Variants in NFIA observed in about 807,000 individuals in gnomAD.
NFIA encodes the protein nuclear factor 1 A-type.
In NFIA, 8 loss-of-function variants were observed where a neutral mutation model predicts 62.8. The ratio of observed to expected loss-of-function variants is 0.13; its 90% CI spans 0.07 to 0.23. NFIA has a LOEUF of 0.23. Ranked by LOEUF, NFIA falls within the 10% of genes least tolerant of loss-of-function variation. The pLI is 1.00. For missense variants in NFIA, 410 were observed against 642.1 expected, an observed-to-expected ratio of 0.64 and a Z score of 3.91; for synonymous variants, 235 against 238.1, an observed-to-expected ratio of 0.99 and a Z score of 0.12.
At chr1:61,107,254 C>T (rs553270853) in intron 2 of NFIA, among the ~76,000 whole-genome samples, 70 of 151,176 alleles carry the variant, frequency 4.6e-4, no homozygotes, top group Non-Finnish European at 8.4e-4. Context: ...GATATTTTAT[C>T]TTACTAACAA....
Position 61,391,755 on chromosome 1 carries a change from G to A in NFIA, c.1075+8390G>A, listed in dbSNP as rs954139633. On this transcript the variant is annotated intron_variant, in intron 7 of 10. Coordinates refer to ENST00000403491, the MANE Select transcript of NFIA (RefSeq NM_001134673.4). ...CCTCCCCTGGCCTAGGCCCCCAAGT[G>A]CTAGGTTTGTTCATCTTTCTCCTAT... Among the ~76,000 whole-genome samples the A allele has an allele frequency of 2.0e-5, 3 of 152,164 alleles. No homozygotes were observed. In the South Asian group the frequency reaches 6.2e-4, roughly 32 times the overall value.
chr1:61,430,562 T>G (rs185790729), intron 10 of NFIA, among the ~76,000 whole-genome samples: 3 of 152,348 alleles, frequency 2.0e-5, no homozygotes, highest in Admixed American at 1.3e-4. Context: ...AATATTGGCT[T>G]TTATTGCATC....
At chr1:61,114,816 A>G (rs934942385) in intron 2 of NFIA, among the ~76,000 whole-genome samples, 3 of 152,200 alleles carry the variant, frequency 2.0e-5, no homozygotes, top group African/African-American at 7.2e-5. Context: ...CCTTCAAGAC[A>G]CTAGAAAAGA....
At position 61,317,565 on chromosome 1, in the gene NFIA, C is replaced by A. The variant is rs534634098; in HGVS notation, c.626-14947C>A. On this transcript the variant is annotated intron_variant, in intron 3 of 10. Transcript: ENST00000403491. The stretch of plus-strand genomic sequence containing the variant: ...TATTTCTCACTTTTTGTAGAAAAAT[C>A]AAAAAATTCTAGAGAATTTATTTTT... Among the ~76,000 whole-genome samples the A allele has an allele frequency of 1.3e-4, 20 of 151,798 alleles. No individual in the cohort carries two copies. The South Asian group carries it at 3.1e-3, about 24-fold the overall frequency.
intron 1 of NFIA, among the ~76,000 whole-genome samples, chr1:61,083,521 C>G (rs1646158903): frequency 6.6e-6 from 1 of 151,986 alleles, no homozygotes; most frequent in Non-Finnish European, 1.5e-5. Flanking sequence ...TAGCCCTCGG[C>G]TGAGCGGGGC....
chr1:61,255,951 A>G (rs1169448035), intron 2 of NFIA, among the ~76,000 whole-genome samples: 2 of 152,154 alleles, frequency 1.3e-5, no homozygotes, highest in Non-Finnish European at 2.9e-5. Context: ...GGTAGACCAA[A>G]TGTAAGCTCA....
chr1:61,327,386 C>CT (rs1188776922), intron 3 of NFIA, among the ~76,000 whole-genome samples: 3 of 151,534 alleles, frequency 2.0e-5, no homozygotes, highest in Non-Finnish European at 4.4e-5. Flanking sequence ...AATATGTAGG[C>CT]ATTTTTTTAA....
chr1:61,219,568 G>A (rs1653873819), intron 2 of NFIA, among the ~76,000 whole-genome samples: 1 of 151,818 alleles, frequency 6.6e-6, no homozygotes, highest in Non-Finnish European at 1.5e-5. Context: ...CAAAAAATTA[G>A]CCGGGCGTGG....
chr1:61,283,593 A>AAAAAAAAAAAAAAG (rs1658288890), intron 3 of NFIA, among the ~76,000 whole-genome samples: 1 of 136,490 alleles, frequency 7.3e-6, no homozygotes, highest in African/African-American at 2.8e-5. Flanking sequence ...AAAAAAAAAA[A>AAAAAAAAAAAAAAG]AAAAAAAAAA....
At chr1:61,328,430 A>ATAT (rs1553173511) in intron 3 of NFIA, among the ~76,000 whole-genome samples, 20 of 150,642 alleles carry the variant, frequency 1.3e-4, no homozygotes, top group South Asian at 1.0e-3. Context: ...ATATATATAT[A>ATAT]TTTTTTTCGA....
intron 6 of NFIA, among the ~76,000 whole-genome samples, chr1:61,363,861 C>T (rs2100451848): frequency 6.6e-6 from 1 of 152,164 alleles, no homozygotes; most frequent in South Asian, 2.1e-4. Context: ...CACACAGGCC[C>T]TCAGTGATCT....
chr1:61,137,010 T>C (rs1647206197), intron 2 of NFIA, among the ~76,000 whole-genome samples: 1 of 152,118 alleles, frequency 6.6e-6, no homozygotes, highest in Non-Finnish European at 1.5e-5. Context: ...TTCCACTGAG[T>C]TAAGAGTGGT....
intron 3 of NFIA, among the ~76,000 whole-genome samples, chr1:61,291,860 C>T (rs1019776328): frequency 3.9e-5 from 6 of 152,106 alleles, no homozygotes; most frequent in Non-Finnish European, 8.8e-5. Context: ...TGATATACTA[C>T]ATAATATATG....
chr1:61,447,692 A>C (rs1006544530), intron 10 of NFIA, among the ~76,000 whole-genome samples: 1 of 152,150 alleles, frequency 6.6e-6, no homozygotes, highest in African/African-American at 2.4e-5. Context: ...AATTTAATGG[A>C]TAGAATCTAT....
chr1:61,425,623 A>C (rs1300160978), intron 9 of NFIA, among the ~76,000 whole-genome samples: 1 of 152,222 alleles, frequency 6.6e-6, no homozygotes, highest in Non-Finnish European at 1.5e-5. Flanking sequence ...AAAAAACAAA[A>C]TGTACCTTTG....
intron 2 of NFIA, among the ~76,000 whole-genome samples, chr1:61,161,431 A>G (rs1649193283): frequency 6.6e-6 from 1 of 152,216 alleles, no homozygotes; most frequent in Non-Finnish European, 1.5e-5. Context: ...AAATAAAGTC[A>G]TAGTGGACAG....
upstream of NFIA, among the ~76,000 whole-genome samples, chr1:61,080,651 C>T (rs942867320): frequency 6.6e-6 from 1 of 152,104 alleles, no homozygotes; most frequent in African/African-American, 2.4e-5. Flanking sequence ...TGAGAGGAAC[C>T]AAGGAAAAGC....
intron 6 of NFIA, among the ~76,000 whole-genome samples, chr1:61,368,628 C>T (rs1663724143): frequency 6.6e-6 from 1 of 152,194 alleles, no homozygotes; most frequent in East Asian, 1.9e-4. Flanking sequence ...ACAAGAGCTG[C>T]CATTTATTAA....
Position 61,255,923 on chromosome 1 carries a change from G to A in NFIA, c.560-21597G>A, listed in dbSNP as rs139329881. On this transcript the variant is annotated intron_variant, in intron 2 of 10. Coordinates refer to ENST00000403491, the MANE Select transcript of NFIA (RefSeq NM_001134673.4). ...GCTTCCCATGTCAACTAATGTGGCC[G>A]CTGCTAGGCTGCCCTCGGGTAGACC... Among the ~76,000 whole-genome samples the A allele has an allele frequency of 2.6e-5, 4 of 152,084 alleles. No individual in the cohort carries two copies. The South Asian group carries it at 6.2e-4, about 24-fold the overall frequency.
Sources: gnomAD v4.1 joint callset for allele counts (sites outside exome capture counted in the v4.1 genomes callset) on GRCh38, gnomAD v4.1.1 for gene constraint, MANE v1.5 for transcripts, NCBI Gene and HGNC (gene_info 2026-07-23, HGNC 2026-07-21) for gene names.